The following SHROOM2 variants were observed in gnomAD, a reference collection of about 807,000 sequenced individuals.
SHROOM2 encodes protein Shroom2.
In SHROOM2, 33 loss-of-function variants were observed where a neutral mutation model predicts 75.9. That is an observed-to-expected ratio of 0.43 (90% confidence interval 0.33 to 0.58). SHROOM2 has a LOEUF of 0.58. Among genes scored for constraint, SHROOM2 ranks in the 20% least tolerant of loss-of-function variants. SHROOM2 has a pLI of 0.04. For missense variants in SHROOM2, 1,434 were observed against 1,461.2 expected, an observed-to-expected ratio of 0.98 and a Z score of 0.30; for synonymous variants, 655 against 663.6, an observed-to-expected ratio of 0.99 and a Z score of 0.20.
intron 1 of SHROOM2, among the ~76,000 whole-genome samples, chrX:9,817,468 G>A (rs758725876): frequency 9.0e-5 from 10 of 111,510 alleles, no homozygotes; most frequent in Non-Finnish European, 1.5e-4. Context: ...CAACTACTGC[G>A]TACACACAAA....
In SHROOM2 at chrX:9,895,958, C is replaced by T; in HGVS notation, c.2050C>T (p.Leu684=). The part of the protein sequence containing the change: ...GPLAGTYKDH[L]KEAQARVLRA... ...CCTCGCTGGCACCTATAAAGACCAC[C>T]TGAAAGAGGCCCAAGCCCGGGTCCT... The change falls in exon 4 of 10, where the codon CTG becomes TTG. Residue 684 remains leucine, a synonymous_variant. Coordinates refer to ENST00000380913, the MANE Select transcript of SHROOM2 (RefSeq NM_001649.4). The T allele has an allele frequency of 2.5e-6, 3 of 1,197,829 alleles. No individual in the cohort carries two copies. Among genetic ancestry groups the T allele is most frequent in the Non-Finnish European group, 2.3e-6 (2 of 888,715 alleles).
intron 1 of SHROOM2, among the ~76,000 whole-genome samples, chrX:9,788,799 T>C (rs932149390): frequency 9.0e-6 from 1 of 110,989 alleles, no homozygotes; most frequent in African/African-American, 3.3e-5. Context: ...TGCCCTGTGC[T>C]TTGGAGGATG....
At position 9,894,816 on chromosome X, in the gene SHROOM2, A is replaced by G; in HGVS notation, c.908A>G (p.Tyr303Cys). The G allele has an allele frequency of 8.3e-7, 1 of 1,211,551 alleles. No individual in the cohort carries two copies. Among genetic ancestry groups the G allele is most frequent in the Non-Finnish European group, 1.1e-6 (1 of 895,413 alleles). ...PGRSNFGPVW[Y>C]VPDKKKAPSS... ...AGGTCCAATTTTGGGCCAGTCTGGT[A>G]TGTTCCCGATAAGAAGAAAGCACCA... Residue 303 changes from tyrosine (Y) to cysteine (C), a missense_variant, in exon 4 of 10, where the codon TAT becomes TGT. Transcript: ENST00000380913.
chrX:9,794,667 G>A (rs2083685172), intron 1 of SHROOM2, among the ~76,000 whole-genome samples: 1 of 112,020 alleles, frequency 8.9e-6, no homozygotes, highest in Non-Finnish European at 1.9e-5. Context: ...ACCGCGCCCA[G>A]CCATAAACTA....
intron 1 of SHROOM2, among the ~76,000 whole-genome samples, chrX:9,808,223 G>A (rs1283359003): frequency 9.0e-6 from 1 of 110,850 alleles, no homozygotes; most frequent in Non-Finnish European, 1.9e-5. Context: ...GAGGCTGAAG[G>A]AAGCCTTCCT....
intron 1 of SHROOM2, among the ~76,000 whole-genome samples, chrX:9,857,385 ATT>A (rs3047816): frequency 1.9e-5 from 2 of 102,786 alleles, no homozygotes; most frequent in South Asian, 8.5e-4. Context: ...TTAATTAAGA[ATT>A]TTTTTTTTTT....
chrX:9,812,556 G>A (rs1569139078), intron 1 of SHROOM2, among the ~76,000 whole-genome samples: 1 of 112,113 alleles, frequency 8.9e-6, no homozygotes, highest in Non-Finnish European at 1.9e-5. Context: ...TTTTACTGAG[G>A]TAGAAGGTCC....
chrX:9,835,702 G>T (rs1263761860), intron 1 of SHROOM2, among the ~76,000 whole-genome samples: 2 of 109,635 alleles, frequency 1.8e-5, no homozygotes, highest in African/African-American at 6.8e-5. Context: ...CACTGCTTTT[G>T]CCCGACCTCA....
At chrX:9,884,200 C>T (rs1298003632) in intron 2 of SHROOM2, among the ~76,000 whole-genome samples, 1 of 110,210 alleles carries the variant, frequency 9.1e-6, no homozygotes, top group African/African-American at 3.3e-5. Context: ...CAGGCCAAGG[C>T]GCCTCCCCTC....
At chrX:9,806,265 G>A (rs1009513975) in intron 1 of SHROOM2, among the ~76,000 whole-genome samples, 3 of 110,646 alleles carry the variant, frequency 2.7e-5, no homozygotes, top group Admixed American at 9.8e-5. Flanking sequence ...CTCTTCACTC[G>A]CACAGCAGGC....
At chrX:9,832,475 G>A (rs1022951905) in intron 1 of SHROOM2, among the ~76,000 whole-genome samples, 1 of 111,938 alleles carries the variant, frequency 8.9e-6, no homozygotes, top group African/African-American at 3.2e-5. Context: ...GAGTCTTTTG[G>A]AATTGTGTGC....
intron 1 of SHROOM2, among the ~76,000 whole-genome samples, chrX:9,840,792 G>A (rs2083975414): frequency 9.0e-6 from 1 of 111,440 alleles, no homozygotes; most frequent in Non-Finnish European, 1.9e-5. Context: ...GTGGAATATG[G>A]GTGAGCTCCC....
At chrX:9,944,230 G>A (rs2084796555) in intron 8 of SHROOM2, among the ~76,000 whole-genome samples, 1 of 110,810 alleles carries the variant, frequency 9.0e-6, no homozygotes, top group South Asian at 3.7e-4. Flanking sequence ...ACTAATCACG[G>A]AATTTGGTGC....
At chrX:9,925,488 C>G (rs945617701) in intron 5 of SHROOM2, among the ~76,000 whole-genome samples, 6 of 112,641 alleles carry the variant, frequency 5.3e-5, no homozygotes, top group Admixed American at 1.9e-4. Context: ...ATGATAACCT[C>G]AAACTGTCAG....
Position 9,932,720 on chromosome X carries a change from C to T in SHROOM2, c.3437C>T (p.Pro1146Leu). 1 of 1,211,427 alleles carries T rather than the reference C, an allele frequency of 8.3e-7. No individual in the cohort carries two copies. The highest frequency in any genetic ancestry group is 1.1e-6 in the Non-Finnish European group (1 of 895,621). ...SQHVSGDASR[P>L]LPEALLPPKQ... Reference sequence around the variant, plus strand: ...CATGTGAGCGGGGACGCATCACGTCCTCTGCCAGAAGCACTGCTCCCTCCC... The same window carrying T: ...CATGTGAGCGGGGACGCATCACGTCTTCTGCCAGAAGCACTGCTCCCTCCC... The change falls in exon 6 of 10, where the codon CCT becomes CTT. Residue 1146 changes from proline to leucine, a missense_variant. Pro to Leu is a moderately conservative substitution (Grantham distance 98). Coordinates refer to ENST00000380913, the MANE Select transcript of SHROOM2 (RefSeq NM_001649.4).
intron 1 of SHROOM2, among the ~76,000 whole-genome samples, chrX:9,812,982 G>C (rs147433978): frequency 6.9e-4 from 77 of 112,399 alleles, no homozygotes; most frequent in South Asian, 1.9e-3. Flanking sequence ...CGATAATCCA[G>C]TGTCATTCTC....
chrX:9,925,345 C>A (rs1041602820), intron 5 of SHROOM2, among the ~76,000 whole-genome samples: 3 of 112,745 alleles, frequency 2.7e-5, no homozygotes, highest in Non-Finnish European at 5.6e-5. Flanking sequence ...CGTGTGAACA[C>A]CTGCCTGGCA....
intron 6 of SHROOM2, among the ~76,000 whole-genome samples, chrX:9,935,362 A>G (rs1430136912): frequency 9.4e-6 from 1 of 105,833 alleles, no homozygotes; most frequent in Admixed American, 1.0e-4. Flanking sequence ...TTTAACAGAG[A>G]GGTGGGGAGG....
chrX:9,884,124 G>A (rs1601964993), intron 2 of SHROOM2, among the ~76,000 whole-genome samples: 3 of 110,851 alleles, frequency 2.7e-5, no homozygotes, highest in Non-Finnish European at 5.7e-5. Flanking sequence ...AACACCCCCC[G>A]CCCCCCATCG....
Sources: gnomAD v4.1 joint callset for allele counts (sites outside exome capture counted in the v4.1 genomes callset) on GRCh38, gnomAD v4.1.1 for gene constraint, MANE v1.5 for transcripts, NCBI Gene and HGNC (gene_info 2026-07-23, HGNC 2026-07-21) for gene names.